The following ADCY7 variants were observed in gnomAD, a reference collection of about 807,000 sequenced individuals.
ADCY7 encodes the protein adenylate cyclase type 7.
A neutral mutation model predicts 120.6 loss-of-function variants in ADCY7; 72 were observed. The observed-to-expected ratio is 0.60, with a 90% CI of 0.49 to 0.73. The LOEUF is 0.73. ADCY7 is among the 30% of genes least tolerant of loss of function. The pLI, the probability that ADCY7 is intolerant of heterozygous loss-of-function variation, is 0.00. For missense variants in ADCY7, 1,227 were observed against 1,486.0 expected (o/e 0.83, Z 2.87); for synonymous variants, 661 against 628.0 (o/e 1.05, Z -0.78).
At chr16:50,290,369 G>A (rs1037583328) in intron 2 of ADCY7, 88 bp from the exon 3 acceptor site, 1 of 1,450,606 alleles carries the variant, frequency 6.9e-7, no homozygotes, top group Non-Finnish European at 9.5e-7. Flanking sequence ...GAAGCTGTAA[G>A]TGAGGCAGCC....
At position 50,270,479 on chromosome 16, in the gene ADCY7, T is replaced by C. The variant is rs547937672; in HGVS notation, c.-269+3799T>C. The stretch of plus-strand genomic sequence containing the variant: ...GTTTCTTGCACCTGTGAAATGGGGT[T>C]GGTAAAGGTACCCCCTGCATCAGGT... On this transcript the variant is annotated intron_variant, in intron 1 of 25. Coordinates refer to ENST00000673801, the MANE Select transcript of ADCY7 (RefSeq NM_001114.5). Among the ~76,000 whole-genome samples, 9 of 152,294 alleles carry C rather than the reference T, an allele frequency of 5.9e-5. No homozygotes were observed. In the South Asian group the frequency reaches 1.9e-3, roughly 32 times the overall value.
rs2036309293 is a variant in ADCY7, at chr16:50,309,553, G to A, written c.2067G>A (p.Leu689=). ...GGGACCTGTCTCCTCTACAGCCCCT[G>A]ATGCCTTTCCAAGTTCCAGAGCTGC... The part of the protein sequence containing the change: ...LLTVAIINLP[L]MPFQVPELPV... The change falls in exon 18 of 26, where the codon CTG becomes CTA. Residue 689 remains leucine (L), a synonymous_variant. Transcript: ENST00000673801. The A allele has an allele frequency of 1.9e-6, 3 of 1,613,834 alleles. No homozygotes were observed. In the African/African-American group the frequency reaches 4.0e-5, roughly 22 times the overall value.
At chr16:50,247,907 G>C (rs531526504) in intron 1 of ADCY7, among the ~76,000 whole-genome samples, 15 of 152,168 alleles carry the variant, frequency 9.9e-5, no homozygotes, top group Non-Finnish European at 2.1e-4. Context: ...GCTTTTTACA[G>C]AGGAGAGCAG....
intron 1 of ADCY7, among the ~76,000 whole-genome samples, chr16:50,285,227 C>T (rs775660351): frequency 2.0e-5 from 3 of 152,250 alleles, no homozygotes; most frequent in Non-Finnish European, 4.4e-5. Flanking sequence ...CTCTTGGCCA[C>T]ATCCCTGAAG....
chr16:50,279,888 G>A (rs1018262453), intron 1 of ADCY7, among the ~76,000 whole-genome samples: 1 of 152,108 alleles, frequency 6.6e-6, no homozygotes, highest in Non-Finnish European at 1.5e-5. Context: ...CAGGAACAAA[G>A]AACACTTTTT....
rs1016987214 is a variant in ADCY7 at position 50,303,903 on chromosome 16, A to G, written c.1369-457A>G. ...GCGTGCCGGCCACACGTGGGAGGGC[A>G]GGGTAGGATGCCTGTGGCTTTCCCA... On this transcript the variant is annotated intron_variant, in intron 10 of 25. Transcript: ENST00000673801. 2.6e-5 allele frequency among the ~76,000 whole-genome samples: 4 copies of G among 152,176 alleles called. No individual in the cohort carries two copies. In the East Asian group the frequency reaches 7.7e-4, roughly 29 times the overall value.
rs181634047 is a variant in ADCY7, at chr16:50,315,680, G to A, written c.*175G>A. On this transcript the variant is annotated 3_prime_UTR_variant, in exon 26 of 26. Coordinates refer to ENST00000673801, the MANE Select transcript of ADCY7 (RefSeq NM_001114.5). ...AGACACATGCACCAGATTCTGGCTCGAAGCAGCCACTGAGCCATAATGCGC... is the reference window on the plus strand; with the variant it reads ...AGACACATGCACCAGATTCTGGCTCAAAGCAGCCACTGAGCCATAATGCGC... 2.9e-5 allele frequency: 23 copies of A among 798,234 alleles called. No individual in the cohort carries two copies. In the South Asian group the frequency reaches 3.2e-4, roughly 11 times the overall value. The allele number at this position is 798,234 out of a possible 1,614,324, so 49.4% of individuals were successfully genotyped here.
chr16:50,305,695 C>T lies in ADCY7; in HGVS notation c.1680-82C>T, dbSNP rs2036016434. The T allele has an allele frequency of 1.4e-5, 21 of 1,498,438 alleles. 1 individual carries two copies. In the South Asian group the frequency reaches 1.9e-4, roughly 14 times the overall value. The allele number at this position is 1,498,438 out of a possible 1,614,324, so 92.8% of individuals were successfully genotyped here. A position where few individuals can be genotyped will look rare whatever the true frequency, so the allele number is the denominator to read the frequency against. On this transcript the variant is annotated intron_variant, in intron 13 of 25. Transcript: ENST00000673801. ...CCATGCCTGGTGGCCCAGCCTTGTT[C>T]CTTCCCCCTGCCTGCTGCCACCTCC...
At chr16:50,284,639 AG>A (rs765193287) in intron 1 of ADCY7, among the ~76,000 whole-genome samples, 41 of 152,332 alleles carry the variant, frequency 2.7e-4, no homozygotes, top group Non-Finnish European at 5.1e-4. Context: ...GCAGCAGGCC[AG>A]GGGTCAGGTG....
At position 50,305,877 on chromosome 16, in the gene ADCY7, A is replaced by G. The variant is rs746005169; in HGVS notation, c.1752+28A>G. 1.1e-5 allele frequency: 17 copies of G among 1,610,392 alleles called. No individual in the cohort carries two copies. The East Asian group carries it at 3.8e-4, about 36-fold the overall frequency. ...GAGGGCCCCCAGCAGCCTCCTCCGC[A>G]GAGGGACGGGGTCTCCAGGCCTGGG... On this transcript the variant is annotated intron_variant, in intron 14 of 25. Coordinates refer to ENST00000673801, the MANE Select transcript of ADCY7 (RefSeq NM_001114.5).
At chr16:50,298,475 G>A (rs1329116935) in intron 7 of ADCY7, among the ~76,000 whole-genome samples, 1 of 152,142 alleles carries the variant, frequency 6.6e-6, no homozygotes, top group Admixed American at 6.5e-5. Context: ...ATCACAGCTG[G>A]GCACACTGTT....
In ADCY7 at chr16:50,308,696, C is replaced by T. The variant is rs75293462; in HGVS notation, c.1965C>T (p.Cys655=). 4.0e-5 allele frequency: 65 copies of T among 1,613,526 alleles called. No individual in the cohort carries two copies. The East Asian group carries it at 9.4e-4, about 23-fold the overall frequency. ...SRCCPARGTL[C]TISERVETQP... ...GCTGCCCAGCTCGGGGGACGCTCTG[C>T]ACTATCTCTGAGAGGGTGGAGACAC... Residue 655 remains cysteine, a synonymous_variant, in exon 17 of 26, where the codon TGC becomes TGT. Coordinates refer to ENST00000673801, the MANE Select transcript of ADCY7 (RefSeq NM_001114.5).
intron 1 of ADCY7, among the ~76,000 whole-genome samples, chr16:50,270,950 G>C (rs1414059317): frequency 6.6e-6 from 1 of 152,180 alleles, no homozygotes; most frequent in Admixed American, 6.5e-5. Context: ...ACCAAGGACA[G>C]TAGCATGGTG....
intron 1 of ADCY7, among the ~76,000 whole-genome samples, chr16:50,248,930 G>A (rs2032671016): frequency 6.6e-6 from 1 of 152,154 alleles, no homozygotes; most frequent in Non-Finnish European, 1.5e-5. Context: ...CACCTCTTCC[G>A]CTGTGTGTCT....
intron 1 of ADCY7, among the ~76,000 whole-genome samples, chr16:50,260,439 G>A (rs2033029774): frequency 6.6e-6 from 1 of 152,184 alleles, no homozygotes; most frequent in African/African-American, 2.4e-5. Flanking sequence ...GGATCCAGGG[G>A]CTCAAATGGT....
intron 1 of ADCY7, among the ~76,000 whole-genome samples, chr16:50,260,455 G>A (rs1269605724): frequency 6.6e-6 from 1 of 152,224 alleles, no homozygotes; most frequent in Non-Finnish European, 1.5e-5. Context: ...ATGGTATCAT[G>A]AAGACTCTGC....
At chr16:50,285,376 G>C (rs2034517086) in intron 1 of ADCY7, among the ~76,000 whole-genome samples, 1 of 152,198 alleles carries the variant, frequency 6.6e-6, no homozygotes. Flanking sequence ...GTGTGGTGAT[G>C]GAATAGGAAC....
At chr16:50,312,773 C>T in intron 21 of ADCY7, 117 bp from the exon 22 acceptor site, 2 of 958,878 alleles carry the variant, frequency 2.1e-6, no homozygotes, top group South Asian at 1.6e-5. Context: ...CCCCCCTCCC[C>T]ACTCCCCGAA....
intron 17 of ADCY7, 30 bp downstream of exon 17, chr16:50,308,822 C>G: frequency 6.3e-7 from 1 of 1,585,568 alleles, no homozygotes. Flanking sequence ...GGCAGGCCTC[C>G]GGGGTAGAGG....
Sources: allele counts gnomAD v4.1 joint callset (sites outside exome capture counted in the v4.1 genomes callset), GRCh38; gene constraint gnomAD v4.1.1; transcripts MANE v1.5; gene names NCBI Gene and HGNC (gene_info 2026-07-23, HGNC 2026-07-21).